The following MGAT4C variants were observed in gnomAD, a reference collection of about 807,000 sequenced individuals.
The protein encoded by MGAT4C is alpha-1,3-mannosyl-glycoprotein 4-beta-N-acetylglucosaminyltransferase C.
Under a neutral mutation model 40.1 loss-of-function variants are expected in MGAT4C, and 19 were observed. The ratio of observed to expected loss-of-function variants is 0.47; its 90% CI spans 0.33 to 0.70. The LOEUF (loss-of-function observed/expected upper bound fraction) is 0.70. Among genes scored for constraint, MGAT4C ranks in the 30% least tolerant of loss-of-function variants. The pLI is 0.02. For synonymous variants in MGAT4C, 181 were observed against 187.1 expected, an observed-to-expected ratio of 0.97 and a Z score of 0.27; for missense variants, 491 against 563.2, an observed-to-expected ratio of 0.87 and a Z score of 1.30.
chr12:86,467,710 T>G (rs1592883688), intron 2 of MGAT4C, among the ~76,000 whole-genome samples: 1 of 152,144 alleles, frequency 6.6e-6, no homozygotes, highest in Non-Finnish European at 1.5e-5. Flanking sequence ...TTTACTCTGT[T>G]TAAATGAGCT....
At chr12:86,776,163 G>T (rs996427296) in intron 1 of MGAT4C, among the ~76,000 whole-genome samples, 1 of 151,960 alleles carries the variant, frequency 6.6e-6, no homozygotes, top group African/African-American at 2.4e-5. Context: ...GCCAATATAA[G>T]ATTAAATGTG....
At chr12:86,326,938 TGATGTCAG>T (rs1400657364) in intron 4 of MGAT4C, among the ~76,000 whole-genome samples, 4 of 152,148 alleles carry the variant, frequency 2.6e-5, no homozygotes, top group Non-Finnish European at 1.5e-5. Flanking sequence ...ATTTGTATTT[TGATGTCAG>T]GAAGCCTTTT....
intron 1 of MGAT4C, among the ~76,000 whole-genome samples, chr12:86,779,027 A>G (rs1166260860): frequency 6.6e-6 from 1 of 150,926 alleles, no homozygotes; most frequent in Non-Finnish European, 1.5e-5. Flanking sequence ...AAAAAAAACA[A>G]CTGTTATTTT....
At chr12:86,407,828 T>A (rs1956506147) in intron 3 of MGAT4C, among the ~76,000 whole-genome samples, 1 of 152,136 alleles carries the variant, frequency 6.6e-6, no homozygotes, top group Non-Finnish European at 1.5e-5. Context: ...CCATAAGGTT[T>A]AAACTCAACA....
chr12:86,366,718 T>G (rs1203634843), intron 3 of MGAT4C, among the ~76,000 whole-genome samples: 1 of 152,152 alleles, frequency 6.6e-6, no homozygotes, highest in Non-Finnish European at 1.5e-5. Flanking sequence ...CTTTAATGTA[T>G]AATAAAGTTG....
Position 86,628,277 on chromosome 12 carries a change from T to G in MGAT4C, c.-229+98932A>C, listed in dbSNP as rs572057361. ...AGACCGAATCTACATTTGATTGGTG[T>G]ACCTGAAAGTGACGGGGAGAATGGA... On this transcript the variant is annotated intron_variant, in intron 2 of 7. Transcript: ENST00000548651. 5.3e-5 allele frequency among the ~76,000 whole-genome samples: 8 copies of G among 152,324 alleles called. No homozygotes were observed. In the East Asian group the frequency reaches 1.4e-3, roughly 26 times the overall value.
chr12:86,578,685 T>C (rs991259449), intron 2 of MGAT4C, among the ~76,000 whole-genome samples: 7 of 151,842 alleles, frequency 4.6e-5, no homozygotes, highest in African/African-American at 1.7e-4. Context: ...ATACTTTGAA[T>C]TTCTGCAGTA....
chr12:86,480,183 T>C (rs1300266916), intron 2 of MGAT4C, among the ~76,000 whole-genome samples: 1 of 151,812 alleles, frequency 6.6e-6, no homozygotes, highest in Non-Finnish European at 1.5e-5. Context: ...AATACTGCAT[T>C]GTAAAAACCA....
chr12:86,619,330 A>T (rs751519370), intron 2 of MGAT4C, among the ~76,000 whole-genome samples: 1 of 152,098 alleles, frequency 6.6e-6, no homozygotes, highest in Non-Finnish European at 1.5e-5. Context: ...TCATTCTCTC[A>T]TAGTATCTCA....
In MGAT4C at chr12:86,654,341, GGT is replaced by G. The variant is rs200027371; in HGVS notation, c.-229+72866_-229+72867del. 1.3e-3 allele frequency among the ~76,000 whole-genome samples: 139 copies of G among 106,578 alleles called. 1 individual carries two copies. Among genetic ancestry groups the G allele is most frequent in the Middle Eastern group, 5.5e-3 (1 of 182 alleles). The allele number at this position is 106,578 out of a possible 152,430, so 69.9% of individuals were successfully genotyped here. A position where few individuals can be genotyped will look rare whatever the true frequency, so the allele number is the denominator to read the frequency against. The stretch of plus-strand genomic sequence containing the variant: ...AAACTAATAGAAAATAAGTTTGTGG[GGT>G]TTTTTTTTTTCCTGACAACAATCGA... On this transcript the variant is annotated intron_variant, in intron 2 of 7. Coordinates refer to the MGAT4C transcript ENST00000548651.
In MGAT4C at chr12:86,349,824, ATCTG is replaced by A. The variant is rs1473267479; in HGVS notation, c.-119-15701_-119-15698del. Reference sequence around the variant, plus strand: ...TGACAAATCTCATTTGTTACGAATTATCTGTTGCCAGTCAATATTATCTGGAATT... The same window carrying A: ...TGACAAATCTCATTTGTTACGAATTATTGCCAGTCAATATTATCTGGAATT... On this transcript the variant is annotated intron_variant, in intron 3 of 7. Coordinates refer to the MGAT4C transcript ENST00000548651. Among the ~76,000 whole-genome samples, 16 of 152,250 alleles carry A rather than the reference ATCTG, an allele frequency of 1.1e-4. No individual in the cohort carries two copies. The South Asian group carries it at 1.2e-3, about 12-fold the overall frequency.
chr12:86,166,085 G>C (rs1412987712), intron 1 of MGAT4C, among the ~76,000 whole-genome samples: 1 of 152,134 alleles, frequency 6.6e-6, no homozygotes, highest in Non-Finnish European at 1.5e-5. Flanking sequence ...TTTGCTGTCT[G>C]CAACTTGTTA....
chr12:86,039,480 A>C (rs11117167), intron 2 of MGAT4C, among the ~76,000 whole-genome samples: 66,818 of 151,888 alleles, frequency 0.44, 15,466 homozygotes, highest in African/African-American at 0.51. Flanking sequence ...GACCTTCAAT[A>C]TCTGATATCC....
At chr12:86,136,632 T>C (rs921266890) in intron 1 of MGAT4C, among the ~76,000 whole-genome samples, 2 of 152,182 alleles carry the variant, frequency 1.3e-5, no homozygotes, top group Non-Finnish European at 2.9e-5. Flanking sequence ...TTTCTTTTCC[T>C]ACCCTGCAAA....
chr12:86,496,592 C>T (rs1958240765), intron 2 of MGAT4C, among the ~76,000 whole-genome samples: 1 of 151,866 alleles, frequency 6.6e-6, no homozygotes, highest in South Asian at 2.1e-4. Context: ...TTTGATTGTT[C>T]TTTCAAAATG....
chr12:86,645,560 A>G (rs528879706), intron 2 of MGAT4C, among the ~76,000 whole-genome samples: 44 of 151,780 alleles, frequency 2.9e-4, no homozygotes, highest in Admixed American at 7.9e-4. Flanking sequence ...TTCTATCCCT[A>G]TACTCTACAC....
intron 2 of MGAT4C, among the ~76,000 whole-genome samples, chr12:86,459,851 G>C (rs1371206817): frequency 6.6e-6 from 1 of 151,604 alleles, no homozygotes; most frequent in Non-Finnish European, 1.5e-5. Flanking sequence ...AGGACAGCAA[G>C]GAAGTTGATG....
At chr12:86,283,649 A>G (rs773992160) in intron 4 of MGAT4C, among the ~76,000 whole-genome samples, 5 of 152,094 alleles carry the variant, frequency 3.3e-5, no homozygotes, top group Non-Finnish European at 5.9e-5. Context: ...ACCATGGGTG[A>G]TATACTGTTT....
chr12:86,576,781 C>T (rs4594066), intron 2 of MGAT4C, among the ~76,000 whole-genome samples: 111,548 of 151,662 alleles, frequency 0.74, 42,424 homozygotes, highest in Middle Eastern at 0.84. Context: ...TTCTTTTTTG[C>T]GTAGAATAGC....
Sources: allele counts gnomAD v4.1 joint callset (sites outside exome capture counted in the v4.1 genomes callset), GRCh38; gene constraint gnomAD v4.1.1; transcripts MANE v1.5; gene names NCBI Gene and HGNC (gene_info 2026-07-23, HGNC 2026-07-21).